The following BANP variants were observed in gnomAD, a reference collection of about 807,000 sequenced individuals.
The protein encoded by BANP is BTG3 associated nuclear protein.
In BANP, 11 loss-of-function variants were observed where a neutral mutation model predicts 68.1. The observed-to-expected ratio is 0.16, with a 90% confidence interval of 0.10 to 0.27. The LOEUF (loss-of-function observed/expected upper bound fraction) is 0.27. Among genes scored for constraint, BANP ranks in the 10% least tolerant of loss-of-function variants. The pLI, the probability that BANP is intolerant of heterozygous loss-of-function variation, is 1.00. For missense variants in BANP, 504 were observed against 722.7 expected, an observed-to-expected ratio of 0.70 and a Z score of 3.47; for synonymous variants, 329 against 303.2, an observed-to-expected ratio of 1.09 and a Z score of -0.88.
intron 1 of BANP, among the ~76,000 whole-genome samples, chr16:87,971,719 A>G (rs1009282946): frequency 1.3e-5 from 2 of 151,092 alleles, no homozygotes; most frequent in African/African-American, 4.9e-5. Context: ...TTTAACGAGT[A>G]GTTTCAAGCA....
At chr16:88,068,355 G>T (rs1380414744) in intron 12 of BANP, among the ~76,000 whole-genome samples, 1 of 152,228 alleles carries the variant, frequency 6.6e-6, no homozygotes, top group Non-Finnish European at 1.5e-5. Flanking sequence ...CAGGCGCTTG[G>T]GAGTTACCAG....
intron 13 of BANP, among the ~76,000 whole-genome samples, chr16:88,072,911 C>G (rs576988132): frequency 2.0e-4 from 31 of 152,390 alleles, no homozygotes; most frequent in South Asian, 1.2e-3. Context: ...CTACCTCCAG[C>G]CTGGTGGTTG....
chr16:88,034,524 T>C (rs2078889004), intron 9 of BANP, among the ~76,000 whole-genome samples: 1 of 152,186 alleles, frequency 6.6e-6, no homozygotes, highest in Admixed American at 6.5e-5. Flanking sequence ...TAAATAGTCA[T>C]ATGAGTGTTT....
chr16:88,029,440 T>A (rs2077667378), intron 8 of BANP, among the ~76,000 whole-genome samples: 1 of 150,798 alleles, frequency 6.6e-6, no homozygotes, highest in Non-Finnish European at 1.5e-5. Context: ...AAACCCCGTC[T>A]CTACTAAAAG....
chr16:88,008,223 G>C (rs188309440), intron 6 of BANP, among the ~76,000 whole-genome samples: 2 of 152,314 alleles, frequency 1.3e-5, no homozygotes, highest in East Asian at 3.9e-4. Context: ...TCCATCATCA[G>C]TTGATGGGCA....
intron 4 of BANP, among the ~76,000 whole-genome samples, chr16:87,984,573 C>G (rs1345284993): frequency 6.6e-6 from 1 of 152,238 alleles, no homozygotes; most frequent in East Asian, 1.9e-4. Flanking sequence ...CCTACTCTAC[C>G]TGGCTAGTCT....
chr16:88,055,344 T>G (rs1041275044), intron 11 of BANP, among the ~76,000 whole-genome samples: 1 of 152,006 alleles, frequency 6.6e-6, no homozygotes, highest in Non-Finnish European at 1.5e-5. Context: ...GCGTGTACAT[T>G]TAGTAAAGTT....
At chr16:88,032,288 G>A (rs1161707569) in intron 8 of BANP, among the ~76,000 whole-genome samples, 4 of 149,730 alleles carry the variant, frequency 2.7e-5, no homozygotes, top group African/African-American at 7.4e-5. Context: ...TACAACCTCC[G>A]CCTCCCAGGT....
intron 6 of BANP, among the ~76,000 whole-genome samples, chr16:88,009,908 G>A (rs2072546054): frequency 6.7e-6 from 1 of 150,132 alleles, no homozygotes; most frequent in Non-Finnish European, 1.5e-5. Flanking sequence ...TGTAGCTCCT[G>A]ACTGTTGAAA....
chr16:88,013,880 T>C (rs2073848000), intron 6 of BANP, among the ~76,000 whole-genome samples: 1 of 152,202 alleles, frequency 6.6e-6, no homozygotes, highest in South Asian at 2.1e-4. Context: ...GGAGTGGTAT[T>C]GTCAACAGGA....
intron 11 of BANP, among the ~76,000 whole-genome samples, chr16:88,063,052 C>G (rs776073817): frequency 3.9e-5 from 6 of 152,260 alleles, no homozygotes; most frequent in Non-Finnish European, 8.8e-5. Context: ...CAAACTATAT[C>G]TCAGCCTCCT....
intron 8 of BANP, among the ~76,000 whole-genome samples, chr16:88,030,959 A>G (rs773956302): frequency 4.6e-5 from 7 of 152,250 alleles, no homozygotes; most frequent in Non-Finnish European, 8.8e-5. Flanking sequence ...GAAGTAGCGC[A>G]TAAGTAAAGA....
chr16:88,032,629 T>C (rs1026838727), intron 8 of BANP, among the ~76,000 whole-genome samples: 2 of 152,266 alleles, frequency 1.3e-5, no homozygotes, highest in East Asian at 1.9e-4. Flanking sequence ...AAGAAAATTA[T>C]GATTGAGACA....
intron 6 of BANP, among the ~76,000 whole-genome samples, chr16:88,011,603 T>C (rs1432559341): frequency 2.0e-5 from 3 of 151,938 alleles, no homozygotes; most frequent in Admixed American, 6.6e-5. Flanking sequence ...TGAAAGAAAA[T>C]GGTAGTGTTT....
chr16:88,060,959 C>T (rs942263418), intron 11 of BANP, among the ~76,000 whole-genome samples: 1 of 151,258 alleles, frequency 6.6e-6, no homozygotes, highest in African/African-American at 2.4e-5. Context: ...TTAAACGTCC[C>T]CCACCCTGCC....
rs965006196 is a variant in BANP, at chr16:88,057,874, T to C, written c.1312-7393T>C. 2.0e-5 allele frequency among the ~76,000 whole-genome samples: 3 copies of C among 151,976 alleles called. No individual in the cohort carries two copies. The highest frequency in any genetic ancestry group is 7.3e-5 in the African/African-American group (3 of 41,350). On this transcript the variant is annotated intron_variant, in intron 11 of 13. Transcript: ENST00000682872. This position sits in a 1 kb window ranked among gnomAD's most constrained non-coding sequence, Gnocchi z 4.6. ...GGTGCGGGGCACGCAGCGAGCACTT[T>C]CCGGACAGTGCGGTGCGGGGCAGCG...
At chr16:87,952,132 C>G (rs1302853262) in intron 1 of BANP, 1 of 152,288 alleles carries the variant, frequency 6.6e-6, no homozygotes, top group East Asian at 1.9e-4. Flanking sequence ...TGTGCGATTT[C>G]TGTGATCTAG....
intron 11 of BANP, among the ~76,000 whole-genome samples, chr16:88,040,378 C>T (rs2080455479): frequency 6.6e-6 from 1 of 152,062 alleles, no homozygotes; most frequent in Admixed American, 6.5e-5. Flanking sequence ...TTTCAGAAAG[C>T]ACAGAGAAGC....
intron 3 of BANP, among the ~76,000 whole-genome samples, chr16:87,981,539 C>A (rs1447450738): frequency 3.3e-5 from 5 of 152,346 alleles, no homozygotes; most frequent in Admixed American, 2.0e-4. Context: ...TACATCTGCA[C>A]AGTTTCCAAA....
Sources: allele counts gnomAD v4.1 joint callset (sites outside exome capture counted in the v4.1 genomes callset), GRCh38; gene constraint gnomAD v4.1.1; non-coding constraint Gnocchi (gnomAD v3.1); transcripts MANE v1.5; gene names NCBI Gene and HGNC (gene_info 2026-07-23, HGNC 2026-07-21).